Variants in RASA3 observed in about 807,000 individuals in gnomAD.
RASA3 encodes ras GTPase-activating protein 3.
A neutral mutation model predicts 110.0 loss-of-function variants in RASA3; 73 were observed. The ratio of observed to expected loss-of-function variants is 0.66; its 90% confidence interval spans 0.55 to 0.81. RASA3 has a LOEUF of 0.81. RASA3 is among the 30% of genes least tolerant of loss of function. RASA3 has a pLI of 0.00. For synonymous variants in RASA3, 500 were observed against 451.4 expected (o/e 1.11, Z -1.37); for missense variants, 976 against 1,113.2 (o/e 0.88, Z 1.75).
rs36231035 is a variant in RASA3, at chr13:114,013,952, G to GTCTC, written c.1406-708_1406-705dup. Among the ~76,000 whole-genome samples the GTCTC allele has an allele frequency of 1.2e-4, 13 of 108,112 alleles. 1 individual carries two copies. Among genetic ancestry groups the GTCTC allele is most frequent in the Admixed American group, 9.0e-4 (10 of 11,058 alleles). 70.9% of individuals were successfully genotyped at this position (108,112 alleles called of 152,430 possible). On this transcript the variant is annotated intron_variant, in intron 14 of 23. Transcript: ENST00000334062. The stretch of plus-strand genomic sequence containing the variant: ...TCTCTCTCCCTGTCTCTATCTCTCT[G>GTCTC]TCTCTCTCTCTCTCTCTCCGTCTCG...
chr13:114,001,414 A>G (rs1219472739), intron 18 of RASA3, among the ~76,000 whole-genome samples: 20 of 143,712 alleles, frequency 1.4e-4, no homozygotes, highest in Admixed American at 2.0e-4. Flanking sequence ...GGACGCTCAC[A>G]CACAGAGGAC....
intron 2 of RASA3, among the ~76,000 whole-genome samples, chr13:114,068,051 C>T (rs189540327): frequency 3.3e-5 from 5 of 152,376 alleles, no homozygotes; most frequent in African/African-American, 9.6e-5. Flanking sequence ...TGTAACCTAA[C>T]GCATAACCAG....
In RASA3 at chr13:114,123,334, C is replaced by A. The variant is rs187756791; in HGVS notation, c.55+9101G>T. Among the ~76,000 whole-genome samples the A allele has an allele frequency of 2.0e-3, 300 of 152,310 alleles. 3 individuals carry two copies. The highest frequency in any genetic ancestry group is 0.017 in the Admixed American group (264 of 15,302). On this transcript the variant is annotated intron_variant, in intron 1 of 23. Transcript: ENST00000334062. ...GTTTGGAACCAAAACAAGAAATCTCCAGAGCTGAAAAGAAGAGTGAAACCT... is the reference window on the plus strand; with the variant it reads ...GTTTGGAACCAAAACAAGAAATCTCAAGAGCTGAAAAGAAGAGTGAAACCT...
intron 6 of RASA3, 131 bp downstream of exon 6, chr13:114,027,716 T>A: frequency 2.0e-6 from 2 of 1,018,594 alleles, no homozygotes. Flanking sequence ...CAAAAGGAAG[T>A]AAAAATTCAC....
Position 114,123,066 on chromosome 13 carries a change from G to A in RASA3, c.55+9369C>T, listed in dbSNP as rs558487141. Among the ~76,000 whole-genome samples, 16 of 152,342 alleles carry A rather than the reference G, an allele frequency of 1.1e-4. No individual in the cohort carries two copies. The East Asian group carries it at 1.2e-3, about 11-fold the overall frequency. Reference sequence around the variant, plus strand: ...CTGGACACACCTTCGGTGCGTGCCCGGCATGGAGACGCTCCTGCTGCCGGC... The same window carrying A: ...CTGGACACACCTTCGGTGCGTGCCCAGCATGGAGACGCTCCTGCTGCCGGC... On this transcript the variant is annotated intron_variant, in intron 1 of 23. Transcript: ENST00000334062.
intron 23 of RASA3, among the ~76,000 whole-genome samples, chr13:113,980,002 C>T (rs1413441493): frequency 4.1e-5 from 6 of 145,410 alleles, no homozygotes; most frequent in African/African-American, 1.0e-4. Flanking sequence ...TGCACCCCTC[C>T]GTGTGTACAC....
Position 114,011,302 on chromosome 13 carries a change from CTG to C in RASA3, c.1513-56_1513-55del. 1 of 1,467,338 alleles carries C rather than the reference CTG, an allele frequency of 6.8e-7. No homozygotes were observed. Among genetic ancestry groups the C allele is most frequent in the South Asian group, 1.2e-5 (1 of 85,576 alleles). 90.9% of individuals were successfully genotyped at this position (1,467,338 alleles called of 1,614,324 possible). On this transcript the variant is annotated intron_variant, in intron 15 of 23. Coordinates refer to ENST00000334062, the MANE Select transcript of RASA3 (RefSeq NM_007368.4). The surrounding 1 kb of genome is among the most constrained non-coding windows in gnomAD (Gnocchi z 4.8). ...TGTCAGCATCACAGAAATGCTGTGACTGTCCCAGATCGAGGGGACGAAATGCA... is the reference window on the plus strand; with the variant it reads ...TGTCAGCATCACAGAAATGCTGTGACTCCCAGATCGAGGGGACGAAATGCA...
chr13:114,017,107 C>G, intron 12 of RASA3, 130 bp downstream of exon 12: 1 of 769,764 alleles, frequency 1.3e-6, no homozygotes, highest in Admixed American at 1.9e-5. Flanking sequence ...TCAGCATCCC[C>G]GTGGCGAGGC....
rs775867122 is a variant in RASA3 at position 113,992,563 on chromosome 13, C to T, written c.2167G>A (p.Asp723Asn). ...TGGLPANIQL[D>N]IDGDRETERI... ...TCCGTCTCACGGTCCCCATCAATGT[C>T]CAGCTGGATGTTGGCTGGGAGGCCG... Residue 723 changes from aspartate to asparagine, a missense_variant, in exon 22 of 24, where the codon GAC (aspartate) becomes AAC (asparagine). Asp to Asn is a conservative substitution (Grantham distance 23). This residue lies in a region of RASA3 where 132 missense variants were observed against 152.8 expected (regional missense o/e 0.86). Transcript: ENST00000334062. 6 of 1,613,330 alleles carry T rather than the reference C, an allele frequency of 3.7e-6. No homozygotes were observed. The highest frequency in any genetic ancestry group is 1.3e-5 in the African/African-American group (1 of 74,946).
chr13:113,980,117 T>A (rs567580252), intron 23 of RASA3, among the ~76,000 whole-genome samples: 83 of 139,910 alleles, frequency 5.9e-4, no homozygotes, highest in African/African-American at 2.2e-3. Context: ...CTCGCATGTG[T>A]GCACCTCCTC....
intron 20 of RASA3, 46 bp from the exon 21 acceptor site, chr13:113,996,785 G>T: frequency 6.5e-7 from 1 of 1,544,276 alleles, no homozygotes; most frequent in Non-Finnish European, 8.9e-7. Context: ...AGGTCTCGTG[G>T]CTGAGCACGT....
chr13:114,092,286 G>C (rs2079898068), intron 1 of RASA3, among the ~76,000 whole-genome samples: 1 of 152,074 alleles, frequency 6.6e-6, no homozygotes, highest in South Asian at 2.1e-4. Context: ...CTACTTCTAT[G>C]ACATAGGCAT....
intron 2 of RASA3, among the ~76,000 whole-genome samples, chr13:114,062,470 G>A (rs867036353): frequency 4.6e-5 from 7 of 152,262 alleles, no homozygotes; most frequent in East Asian, 1.9e-4. Context: ...ACAGGCTGGC[G>A]GTTCCTCCGA....
chr13:114,031,989 C>T (rs1274272050), intron 4 of RASA3, among the ~76,000 whole-genome samples: 1 of 152,162 alleles, frequency 6.6e-6, no homozygotes, highest in Non-Finnish European at 1.5e-5. Flanking sequence ...CCTTCGAGTT[C>T]CTTCAAAAAT....
intron 2 of RASA3, among the ~76,000 whole-genome samples, chr13:114,069,447 CGGG>C (rs2079516609): frequency 1.3e-5 from 1 of 78,700 alleles, no homozygotes; most frequent in African/African-American, 5.5e-5. Context: ...ACTCAGGGAC[CGGG>C]AGACTTGGGG....
chr13:114,098,875 A>C (rs906065548), intron 1 of RASA3, among the ~76,000 whole-genome samples: 1 of 152,170 alleles, frequency 6.6e-6, no homozygotes, highest in Non-Finnish European at 1.5e-5. Context: ...GCAGCACAAG[A>C]AAAAGAGGCT....
At chr13:114,118,116 T>C (rs2080320764) in intron 1 of RASA3, among the ~76,000 whole-genome samples, 1 of 152,132 alleles carries the variant, frequency 6.6e-6, no homozygotes, top group Admixed American at 6.5e-5. Flanking sequence ...ATTCTCATTA[T>C]GAGTCTCATA....
chr13:113,995,631 C>CG (rs2053216431), intron 21 of RASA3, among the ~76,000 whole-genome samples: 3 of 104,004 alleles, frequency 2.9e-5, no homozygotes, highest in South Asian at 3.3e-4. Context: ...GGGGGCCTGA[C>CG]AGGGGGCCCA....
At chr13:114,017,067 G>A (rs2053809648) in intron 12 of RASA3, among the ~76,000 whole-genome samples, 170 bp downstream of exon 12, 1 of 152,224 alleles carries the variant, frequency 6.6e-6, no homozygotes, top group Non-Finnish European at 1.5e-5. Context: ...GGAGTACACA[G>A]GGAACATCCT....
Sources: gnomAD v4.1 joint callset for allele counts (sites outside exome capture counted in the v4.1 genomes callset) on GRCh38, gnomAD v4.1.1 for gene constraint, gnomAD v4.1.1 regional missense constraint, Gnocchi (gnomAD v3.1) non-coding constraint, MANE v1.5 for transcripts, NCBI Gene and HGNC (gene_info 2026-07-23, HGNC 2026-07-21) for gene names.